SEMA5A: variants seen among roughly 807,000 people sequenced by gnomAD.
The protein encoded by SEMA5A is semaphorin 5A.
Under a neutral mutation model 135.5 loss-of-function variants are expected in SEMA5A, and 55 were observed. The observed-to-expected ratio is 0.41, with a 90% CI of 0.33 to 0.51. SEMA5A has a LOEUF of 0.51. SEMA5A is among the 20% of genes least tolerant of loss of function. The probability of loss-of-function intolerance (pLI) is 0.37; values close to 1 mark genes in which losing one functional copy is unlikely to be tolerated. For synonymous variants in SEMA5A, 580 were observed against 546.5 expected (o/e 1.06, Z -0.85); for missense variants, 1,290 against 1,419.9 (o/e 0.91, Z 1.47).
intron 2 of SEMA5A, among the ~76,000 whole-genome samples, chr5:9,398,181 G>C (rs1317399888): frequency 2.0e-5 from 3 of 152,138 alleles, no homozygotes; most frequent in African/African-American, 7.2e-5. Flanking sequence ...CACTGACTGA[G>C]ATGAAAACAG....
intron 1 of SEMA5A, among the ~76,000 whole-genome samples, chr5:9,487,091 C>T (rs1579621037): frequency 6.6e-6 from 1 of 151,596 alleles, no homozygotes; most frequent in Middle Eastern, 3.5e-3. Context: ...AGAAAAGTAA[C>T]ATACACTATA....
rs756861935 is a variant in SEMA5A at position 9,042,851 on chromosome 5, C to A, written c.*46G>T. ...AACATGGGCAGTCATGGGGCACAGGCCTTGAGGAACTGGGGATTTACAAGA... is the reference window on the plus strand; with the variant it reads ...AACATGGGCAGTCATGGGGCACAGGACTTGAGGAACTGGGGATTTACAAGA... On this transcript the variant is annotated 3_prime_UTR_variant, in exon 23 of 23. Coordinates refer to ENST00000382496, the MANE Select transcript of SEMA5A (RefSeq NM_003966.3). 1.9e-6 allele frequency: 3 copies of A among 1,610,334 alleles called. No homozygotes were observed. Among genetic ancestry groups the A allele is most frequent in the Admixed American group, 1.7e-5 (1 of 59,912 alleles).
chr5:9,323,725 G>A (rs1392609938), intron 4 of SEMA5A, among the ~76,000 whole-genome samples: 4 of 133,734 alleles, frequency 3.0e-5, no homozygotes, highest in African/African-American at 8.6e-5. Context: ...GCAATGGCAT[G>A]ATCTCGACTC....
chr5:9,276,373 G>T (rs1328252406), intron 5 of SEMA5A, among the ~76,000 whole-genome samples: 1 of 152,128 alleles, frequency 6.6e-6, no homozygotes, highest in Non-Finnish European at 1.5e-5. Flanking sequence ...TTGTGAAAAT[G>T]GCCATACTGC....
At chr5:9,173,975 C>T (rs772157512) in intron 11 of SEMA5A, among the ~76,000 whole-genome samples, 20 of 152,058 alleles carry the variant, frequency 1.3e-4, no homozygotes, top group South Asian at 2.1e-4. Flanking sequence ...ACTTAAGAAA[C>T]GTAGTGTTGG....
chr5:9,066,678 A>G (rs964204072), intron 16 of SEMA5A, 32 bp from the exon 17 acceptor site: 2 of 1,599,496 alleles, frequency 1.3e-6, no homozygotes, highest in East Asian at 2.2e-5. Flanking sequence ...GTGTTACTAT[A>G]CGGGGTAAAC....
chr5:9,381,981 T>TGTGTGTGCGC (rs1411451751), intron 2 of SEMA5A, among the ~76,000 whole-genome samples: 5 of 99,920 alleles, frequency 5.0e-5, no homozygotes, highest in Admixed American at 9.3e-5. Context: ...TGTGTGTGTG[T>TGTGTGTGCGC]GCGCGCGCGC....
Position 9,163,627 on chromosome 5 carries a change from A to G in SEMA5A, c.1274-8932T>C, listed in dbSNP as rs866078438. On this transcript the variant is annotated intron_variant, in intron 11 of 22. Transcript: ENST00000382496. Reference sequence around the variant, plus strand: ...GCTGAACTGTGTCCACCCAAAAGTCATATGTTTAAGTCCTGGCCTTCAGGA... The same window carrying G: ...GCTGAACTGTGTCCACCCAAAAGTCGTATGTTTAAGTCCTGGCCTTCAGGA... 2.0e-5 allele frequency among the ~76,000 whole-genome samples: 3 copies of G among 152,216 alleles called. No individual in the cohort carries two copies. The South Asian group carries it at 6.2e-4, about 32-fold the overall frequency.
intron 14 of SEMA5A, among the ~76,000 whole-genome samples, chr5:9,122,299 T>C (rs528935234): frequency 2.0e-5 from 3 of 152,294 alleles, no homozygotes; most frequent in Admixed American, 6.5e-5. Flanking sequence ...TGGCTTCTTC[T>C]ACCTCCTAAC....
In SEMA5A at chr5:9,333,648, T is replaced by G. The variant is rs1224271376; in HGVS notation, c.224+4065A>C. On this transcript the variant is annotated intron_variant, in intron 4 of 22. Coordinates refer to ENST00000382496, the MANE Select transcript of SEMA5A (RefSeq NM_003966.3). ...TCTTCTATACAAAAACCAGTCATAA[T>G]ATATTCTTTCATTTTGAATTTTTTA... is the stretch of plus-strand genomic sequence containing the variant. 6.6e-5 allele frequency among the ~76,000 whole-genome samples: 10 copies of G among 152,326 alleles called. No homozygotes were observed. In the East Asian group the frequency reaches 1.9e-3, roughly 29 times the overall value.
intron 1 of SEMA5A, among the ~76,000 whole-genome samples, chr5:9,498,090 C>G (rs1309426624): frequency 6.6e-6 from 1 of 152,108 alleles, no homozygotes; most frequent in Non-Finnish European, 1.5e-5. Flanking sequence ...TTAAAAAAGC[C>G]TTCTGGCTGG....
At chr5:9,394,728 T>C (rs1013929221) in intron 2 of SEMA5A, among the ~76,000 whole-genome samples, 2 of 152,136 alleles carry the variant, frequency 1.3e-5, no homozygotes, top group Admixed American at 1.3e-4. Flanking sequence ...CAAGATAGAA[T>C]GTACCAAGAA....
chr5:9,198,380 T>G (rs780879366), intron 9 of SEMA5A, among the ~76,000 whole-genome samples: 3 of 152,176 alleles, frequency 2.0e-5, no homozygotes, highest in Non-Finnish European at 4.4e-5. Context: ...TTCCCCAATG[T>G]CAGCCAGCTA....
chr5:9,175,469 C>T (rs1344550215), intron 11 of SEMA5A, among the ~76,000 whole-genome samples: 1 of 152,090 alleles, frequency 6.6e-6, no homozygotes, highest in African/African-American at 2.4e-5. Flanking sequence ...GGCGGTGGCC[C>T]TTACACGTTT....
At chr5:9,486,166 A>C (rs1484846387) in intron 1 of SEMA5A, among the ~76,000 whole-genome samples, 1 of 152,156 alleles carries the variant, frequency 6.6e-6, no homozygotes, top group African/African-American at 2.4e-5. Flanking sequence ...AAACAAACAC[A>C]GGAACAGAAA....
At chr5:9,448,185 G>A (rs1758502806) in intron 1 of SEMA5A, among the ~76,000 whole-genome samples, 2 of 152,092 alleles carry the variant, frequency 1.3e-5, no homozygotes. Context: ...CAACCTTTCT[G>A]AGCTATCCTA....
chr5:9,073,812 C>T (rs1737900642), intron 16 of SEMA5A, among the ~76,000 whole-genome samples: 1 of 151,958 alleles, frequency 6.6e-6, no homozygotes, highest in Non-Finnish European at 1.5e-5. Context: ...TTCCCATGCA[C>T]CAGCAACAAG....
At chr5:9,084,470 G>A (rs1271483633) in intron 16 of SEMA5A, among the ~76,000 whole-genome samples, 1 of 152,158 alleles carries the variant, frequency 6.6e-6, no homozygotes, top group Non-Finnish European at 1.5e-5. Flanking sequence ...TGAATCATGA[G>A]GGCAGGTTTT....
chr5:9,091,005 A>ATT (rs1474298644), intron 16 of SEMA5A, among the ~76,000 whole-genome samples: 1 of 152,210 alleles, frequency 6.6e-6, no homozygotes. Flanking sequence ...AGTTATGTAG[A>ATT]AAGCTTATCA....
Sources: allele counts gnomAD v4.1 joint callset (sites outside exome capture counted in the v4.1 genomes callset), GRCh38; gene constraint gnomAD v4.1.1; transcripts MANE v1.5; gene names NCBI Gene and HGNC (gene_info 2026-07-23, HGNC 2026-07-21).